The following MYO5B variants were observed in gnomAD, a reference collection of about 807,000 sequenced individuals.
MYO5B encodes unconventional myosin-Vb.
Under a neutral mutation model 229.3 loss-of-function variants are expected in MYO5B, and 143 were observed. The observed-to-expected ratio is 0.62, with a 90% confidence interval of 0.54 to 0.72. MYO5B has a LOEUF of 0.72. Ranked by LOEUF, MYO5B falls within the 30% of genes least tolerant of loss-of-function variation. The pLI, the probability that MYO5B is intolerant of heterozygous loss-of-function variation, is 0.00. For missense variants in MYO5B, 2,321 were observed against 2,331.0 expected, an observed-to-expected ratio of 1.00 and a Z score of 0.09; for synonymous variants, 918 against 885.2, an observed-to-expected ratio of 1.04 and a Z score of -0.66.
At chr18:49,976,607 C>T (rs1168765557) in intron 9 of MYO5B, among the ~76,000 whole-genome samples, 4 of 152,162 alleles carry the variant, frequency 2.6e-5, no homozygotes, top group South Asian at 2.1e-4. Flanking sequence ...CATTCTAATC[C>T]GATGTCCCTT....
chr18:50,077,688 A>C (rs2031121214), intron 1 of MYO5B, among the ~76,000 whole-genome samples: 1 of 152,200 alleles, frequency 6.6e-6, no homozygotes, highest in South Asian at 2.1e-4. Context: ...CTTTATCTTA[A>C]AACAACGCAA....
rs11429821 is a variant in MYO5B at position 50,118,626 on chromosome 18, CT to C, written c.28-63249del. The stretch of plus-strand genomic sequence containing the variant: ...GTATACATGTGCCATGTTGGCATTT[CT>C]TTTTTTTTTTTTTTTGAGACGGAGT... On this transcript the variant is annotated intron_variant, in intron 1 of 39. Coordinates refer to ENST00000285039, the MANE Select transcript of MYO5B (RefSeq NM_001080467.3). Among the ~76,000 whole-genome samples the C allele has an allele frequency of 7.5e-3, 1,039 of 137,986 alleles. 6 individuals are homozygous for C. Among genetic ancestry groups the C allele is most frequent in the African/African-American group, 0.014 (506 of 37,138 alleles). The allele number at this position is 137,986 out of a possible 152,430, so 90.5% of individuals were successfully genotyped here.
chr18:49,841,698 C>T (rs1053743688), intron 34 of MYO5B, among the ~76,000 whole-genome samples: 1 of 152,178 alleles, frequency 6.6e-6, no homozygotes, highest in Non-Finnish European at 1.5e-5. Flanking sequence ...GGTGCACATA[C>T]AGGGACACAC....
intron 1 of MYO5B, among the ~76,000 whole-genome samples, chr18:50,093,180 C>CCA (rs3075642): frequency 0.29 from 42,796 of 148,390 alleles, 6,689 homozygotes; most frequent in Non-Finnish European, 0.37. Context: ...GAGCTTTGTG[C>CCA]CACACACACA....
chr18:50,037,061 AC>A (rs1358261340), intron 3 of MYO5B, 67 bp from the exon 4 acceptor site: 1 of 1,584,078 alleles, frequency 6.3e-7, no homozygotes, highest in Non-Finnish European at 8.7e-7. Context: ...AGCTCAAGGC[AC>A]CCATCCATTC....
chr18:50,152,931 A>C (rs2032623232), intron 1 of MYO5B, among the ~76,000 whole-genome samples: 1 of 151,640 alleles, frequency 6.6e-6, no homozygotes, highest in Non-Finnish European at 1.5e-5. Flanking sequence ...ATATTGGTGA[A>C]TTCTATAATA....
At chr18:50,192,586 C>T (rs1266842262) in intron 1 of MYO5B, among the ~76,000 whole-genome samples, 1 of 152,188 alleles carries the variant, frequency 6.6e-6, no homozygotes, top group Admixed American at 6.5e-5. Flanking sequence ...GGAAACTTCA[C>T]CAGAAAGTCC....
At chr18:49,992,213 G>A in intron 6 of MYO5B, 75 bp downstream of exon 6, 2 of 1,585,846 alleles carry the variant, frequency 1.3e-6, no homozygotes, top group South Asian at 1.1e-5. Context: ...TTGGGTCCAG[G>A]GAGTGGGGCA....
intron 4 of MYO5B, among the ~76,000 whole-genome samples, chr18:50,011,229 C>T (rs1000800583): frequency 2.0e-5 from 3 of 152,116 alleles, no homozygotes; most frequent in Non-Finnish European, 4.4e-5. Flanking sequence ...GTAGTCCCAG[C>T]TACTCGGGAG....
rs115773951 is a variant in MYO5B at position 49,865,658 on chromosome 18, G to A, written c.3604-1278C>T. Among the ~76,000 whole-genome samples the A allele has an allele frequency of 9.7e-3, 1,470 of 152,274 alleles. 32 individuals carry two copies. Among genetic ancestry groups the A allele is most frequent in the African/African-American group, 0.034 (1,401 of 41,542 alleles). On this transcript the variant is annotated intron_variant, in intron 27 of 39. Coordinates refer to ENST00000285039, the MANE Select transcript of MYO5B (RefSeq NM_001080467.3). ...GCCTCCTCAGGTGTGGCTTAAGGGAGTGAGAACAGCTGGTGGCTAAGGTTT... is the reference window on the plus strand; with the variant it reads ...GCCTCCTCAGGTGTGGCTTAAGGGAATGAGAACAGCTGGTGGCTAAGGTTT...
chr18:49,879,360 G>A, intron 23 of MYO5B: 2 of 481,970 alleles, frequency 4.1e-6, no homozygotes, highest in East Asian at 4.2e-5. Context: ...CTCAGTTGAT[G>A]CCCCAGCCTC....
intron 1 of MYO5B, among the ~76,000 whole-genome samples, chr18:50,179,401 A>G (rs1246887251): frequency 6.6e-6 from 1 of 152,184 alleles, no homozygotes; most frequent in Non-Finnish European, 1.5e-5. Context: ...CCATCTTGGG[A>G]AGTTCCTTCA....
At chr18:50,138,411 A>G (rs1599049376) in intron 1 of MYO5B, among the ~76,000 whole-genome samples, 1 of 150,776 alleles carries the variant, frequency 6.6e-6, no homozygotes, top group East Asian at 1.9e-4. Flanking sequence ...AGTGTGCCCA[A>G]TTTGGGGGGG....
chr18:50,029,355 T>C (rs572245046), intron 4 of MYO5B, among the ~76,000 whole-genome samples: 1 of 152,184 alleles, frequency 6.6e-6, no homozygotes, highest in Non-Finnish European at 1.5e-5. Flanking sequence ...GCTCAGGGCA[T>C]GTTCAAGAAA....
chr18:50,097,173 G>A (rs895733473), intron 1 of MYO5B: 7 of 450,668 alleles, frequency 1.6e-5, no homozygotes, highest in African/African-American at 1.0e-4. Context: ...TGTCTTCCCT[G>A]ACTTTCCTCC....
At position 50,093,043 on chromosome 18, in the gene MYO5B, G is replaced by A. The variant is rs879465391; in HGVS notation, c.28-37665C>T. On this transcript the variant is annotated intron_variant, in intron 1 of 39. Coordinates refer to ENST00000285039, the MANE Select transcript of MYO5B (RefSeq NM_001080467.3). ...TATTATTCTCAAAGCTATCAAATCA[G>A]TAAGAAACTATGAACAATTTGTAAA... is the stretch of plus-strand genomic sequence containing the variant. Among the ~76,000 whole-genome samples, 8 of 152,020 alleles carry A rather than the reference G, an allele frequency of 5.3e-5. No homozygotes were observed. In the East Asian group the frequency reaches 7.7e-4, roughly 15 times the overall value.
intron 24 of MYO5B, among the ~76,000 whole-genome samples, chr18:49,878,119 G>A (rs762214982): frequency 2.0e-5 from 3 of 151,964 alleles, no homozygotes; most frequent in Non-Finnish European, 1.5e-5. Flanking sequence ...TAACACTTGG[G>A]TCAATTTCTC....
chr18:50,009,081 A>G (rs2026133856), intron 4 of MYO5B, among the ~76,000 whole-genome samples: 1 of 152,254 alleles, frequency 6.6e-6, no homozygotes, highest in South Asian at 2.1e-4. Context: ...ACTTAAAATG[A>G]TAATAGTATA....
intron 1 of MYO5B, among the ~76,000 whole-genome samples, chr18:50,113,105 G>A (rs1446815365): frequency 3.9e-5 from 6 of 151,986 alleles, no homozygotes; most frequent in Non-Finnish European, 7.4e-5. Context: ...TTCCCTGCCC[G>A]TCCCCACCAC....
Sources: allele counts gnomAD v4.1 joint callset (sites outside exome capture counted in the v4.1 genomes callset), GRCh38; gene constraint gnomAD v4.1.1; transcripts MANE v1.5; gene names NCBI Gene and HGNC (gene_info 2026-07-23, HGNC 2026-07-21).